NLGN1: variants seen among roughly 807,000 people sequenced by gnomAD.
The protein encoded by NLGN1 is neuroligin 1, also known as neuroligin-1.
A neutral mutation model predicts 65.5 loss-of-function variants in NLGN1; 12 were observed. The observed-to-expected ratio is 0.18, with a 90% CI of 0.12 to 0.30. The LOEUF is 0.30. Ranked by LOEUF, NLGN1 falls within the 10% of genes least tolerant of loss-of-function variation. The pLI is 1.00. For synonymous variants in NLGN1, 350 were observed against 359.5 expected (o/e 0.97, Z 0.30); for missense variants, 750 against 1,007.1 (o/e 0.74, Z 3.46).
At chr3:173,942,297 A>G (rs554026007) in intron 4 of NLGN1, among the ~76,000 whole-genome samples, 1 of 152,264 alleles carries the variant, frequency 6.6e-6, no homozygotes, top group East Asian at 1.9e-4. Context: ...TAGGTCAGGT[A>G]TAGGTCACAT....
intron 3 of NLGN1, among the ~76,000 whole-genome samples, chr3:173,622,553 G>T (rs574446152): frequency 6.6e-6 from 1 of 150,776 alleles, no homozygotes; most frequent in Admixed American, 6.6e-5. Flanking sequence ...CCTGCTGGAA[G>T]AAGAAGAAAA....
At chr3:173,450,956 C>T (rs1721387885) in intron 2 of NLGN1, among the ~76,000 whole-genome samples, 1 of 152,122 alleles carries the variant, frequency 6.6e-6, no homozygotes, top group Non-Finnish European at 1.5e-5. Context: ...TCTAGTTATC[C>T]ATTCATCTAA....
intron 2 of NLGN1, among the ~76,000 whole-genome samples, chr3:173,488,891 C>A (rs1168925873): frequency 3.3e-5 from 5 of 150,724 alleles, no homozygotes; most frequent in Admixed American, 3.3e-4. Context: ...ATTAGGTGAT[C>A]CTTCAGCTTT....
chr3:173,859,483 A>G (rs954115118), intron 4 of NLGN1, among the ~76,000 whole-genome samples: 1 of 152,134 alleles, frequency 6.6e-6, no homozygotes, highest in Non-Finnish European at 1.5e-5. Context: ...GATGCCTGTA[A>G]GAATCTAGGA....
At chr3:173,547,085 A>G (rs1739992033) in intron 2 of NLGN1, among the ~76,000 whole-genome samples, 1 of 152,162 alleles carries the variant, frequency 6.6e-6, no homozygotes, top group Non-Finnish European at 1.5e-5. Flanking sequence ...ACTTTGGCAT[A>G]CTTGTTAATT....
intron 3 of NLGN1, among the ~76,000 whole-genome samples, chr3:173,700,044 ATAGT>A (rs1420408988): frequency 1.3e-5 from 2 of 152,340 alleles, no homozygotes; most frequent in African/African-American, 4.8e-5. Flanking sequence ...AAAACTCCAC[ATAGT>A]TAGTTATTTA....
intron 2 of NLGN1, among the ~76,000 whole-genome samples, chr3:173,595,531 T>C (rs1560020881): frequency 6.6e-6 from 1 of 152,212 alleles, no homozygotes. Flanking sequence ...CATTTTTCGG[T>C]CTTCTTCTGA....
chr3:173,942,605 G>A (rs1056571130), intron 4 of NLGN1, among the ~76,000 whole-genome samples: 1 of 152,146 alleles, frequency 6.6e-6, no homozygotes, highest in African/African-American at 2.4e-5. Context: ...GGAAAAAACA[G>A]TTTTTATTCC....
chr3:173,469,699 A>G (rs986569974), intron 2 of NLGN1, among the ~76,000 whole-genome samples: 4 of 151,922 alleles, frequency 2.6e-5, no homozygotes, highest in African/African-American at 9.6e-5. Flanking sequence ...TAGTTCCAAA[A>G]CACTTTCAAC....
chr3:173,696,996 C>G (rs1365356920), intron 3 of NLGN1, among the ~76,000 whole-genome samples: 2 of 152,082 alleles, frequency 1.3e-5, no homozygotes, highest in Admixed American at 1.3e-4. Context: ...CTGATAGAGC[C>G]ATAGAGCAAG....
chr3:173,734,906 A>C (rs949734153), intron 3 of NLGN1, among the ~76,000 whole-genome samples: 3 of 152,236 alleles, frequency 2.0e-5, no homozygotes, highest in African/African-American at 7.2e-5. Context: ...AAGAGCATGG[A>C]ATAATGGATC....
At chr3:173,898,961 T>TAA (rs1462857975) in intron 4 of NLGN1, among the ~76,000 whole-genome samples, 56 of 152,290 alleles carry the variant, frequency 3.7e-4, no homozygotes, top group Admixed American at 2.8e-3. Context: ...AAATGAAGTT[T>TAA]GATCTGGGGT....
intron 4 of NLGN1, among the ~76,000 whole-genome samples, chr3:174,230,088 A>G (rs1424962995): frequency 2.0e-5 from 3 of 152,298 alleles, no homozygotes; most frequent in Admixed American, 2.0e-4. Context: ...ACAGGTCCAT[A>G]TATGGCAGTG....
chr3:173,942,907 G>A (rs974333937), intron 4 of NLGN1, among the ~76,000 whole-genome samples: 2 of 152,112 alleles, frequency 1.3e-5, no homozygotes, highest in East Asian at 1.9e-4. Context: ...GACTGACAGT[G>A]TAACATATTG....
intron 4 of NLGN1, among the ~76,000 whole-genome samples, chr3:174,006,664 AC>A (rs561902885): frequency 1.7e-3 from 266 of 152,106 alleles, no homozygotes; most frequent in Middle Eastern, 6.8e-3. Context: ...TGAAGCCCTA[AC>A]CCCCAGTACT....
intron 4 of NLGN1, among the ~76,000 whole-genome samples, chr3:173,966,265 C>G (rs1377534687): frequency 1.3e-5 from 2 of 152,182 alleles, no homozygotes; most frequent in African/African-American, 4.8e-5. Context: ...CTTCAGCACA[C>G]TCCTCTTACA....
At position 174,009,784 on chromosome 3, in the gene NLGN1, A is replaced by G. The variant is rs576147342; in HGVS notation, c.646+201952A>G. ...AAAAGTAGGAGTGATTAATTCCAAT[A>G]GGCAACAGACAGGAAACATGGGAAG... is the stretch of plus-strand genomic sequence containing the variant. On this transcript the variant is annotated intron_variant, in intron 4 of 6. Coordinates refer to ENST00000457714, the Ensembl canonical transcript of NLGN1. Among the ~76,000 whole-genome samples, 115 of 152,316 alleles carry G rather than the reference A, an allele frequency of 7.6e-4. 1 individual carries two copies. The highest frequency in any genetic ancestry group is 1.1e-3 in the Non-Finnish European group (72 of 68,016).
At chr3:173,957,309 C>G (rs141684229) in intron 4 of NLGN1, among the ~76,000 whole-genome samples, 1,563 of 152,256 alleles carry the variant, frequency 0.01, 27 homozygotes, top group African/African-American at 0.029. Context: ...CCCCAAACAG[C>G]TGCTCAAATT....
chr3:173,592,852 A>C (rs1358880350), intron 2 of NLGN1, among the ~76,000 whole-genome samples: 1 of 152,134 alleles, frequency 6.6e-6, no homozygotes, highest in Non-Finnish European at 1.5e-5. Context: ...AGTTTGGATA[A>C]GATCTCACAC....
Sources: gnomAD v4.1 joint callset for allele counts (sites outside exome capture counted in the v4.1 genomes callset) on GRCh38, gnomAD v4.1.1 for gene constraint, MANE v1.5 for transcripts, NCBI Gene and HGNC (gene_info 2026-07-23, HGNC 2026-07-21) for gene names.